Variants in OCIAD1 observed in about 807,000 individuals in gnomAD.
OCIAD1 encodes OCIA domain-containing protein 1.
In OCIAD1, 29 loss-of-function variants were observed where a neutral mutation model predicts 38.9. The ratio of observed to expected loss-of-function variants is 0.74; its 90% CI spans 0.55 to 1.02. The LOEUF is 1.02. Among genes scored for constraint, OCIAD1 ranks in the 50% least tolerant of loss-of-function variants. The pLI, the probability that OCIAD1 is intolerant of heterozygous loss-of-function variation, is 0.00. For synonymous variants in OCIAD1, 110 were observed against 92.0 expected (o/e 1.20, Z -1.12); for missense variants, 288 against 289.6 (o/e 0.99, Z 0.04).
chr4:48,848,962 G>C (rs897777517), intron 5 of OCIAD1, among the ~76,000 whole-genome samples: 3 of 152,090 alleles, frequency 2.0e-5, no homozygotes, highest in Non-Finnish European at 4.4e-5. Flanking sequence ...ATACTATGCA[G>C]CCATAAAAAA....
intron 3 of OCIAD1, among the ~76,000 whole-genome samples, chr4:48,838,211 G>T (rs1410922163): frequency 6.6e-6 from 1 of 151,800 alleles, no homozygotes; most frequent in Non-Finnish European, 1.5e-5. Context: ...CCAGCTACTC[G>T]AGAGGCTGAG....
intron 6 of OCIAD1, among the ~76,000 whole-genome samples, chr4:48,850,916 A>G (rs1303098032): frequency 1.3e-5 from 2 of 152,174 alleles, no homozygotes; most frequent in African/African-American, 4.8e-5. Flanking sequence ...TTGGGAGTAC[A>G]TGTTCTAGAA....
In OCIAD1 at chr4:48,860,964, G is replaced by A; in HGVS notation, c.*202G>A. 2 of 550,990 alleles carry A rather than the reference G, an allele frequency of 3.6e-6. No homozygotes were observed. Among genetic ancestry groups the A allele is most frequent in the Non-Finnish European group, 6.5e-6 (2 of 308,878 alleles). 34.1% of individuals were successfully genotyped at this position (550,990 alleles called of 1,614,324 possible). A position where few individuals can be genotyped will look rare whatever the true frequency, so the allele number is the denominator to read the frequency against. On this transcript the variant is annotated 3_prime_UTR_variant, in exon 9 of 9. Coordinates refer to ENST00000264312, the MANE Select transcript of OCIAD1 (RefSeq NM_017830.4). The stretch of plus-strand genomic sequence containing the variant: ...ATATTGTGTAAATGTACTCACCTTA[G>A]GGATTCATTTGAATGATGGTATTAT...
chr4:48,813,877 A>G (rs1777115700), intron 1 of OCIAD1, among the ~76,000 whole-genome samples: 1 of 152,228 alleles, frequency 6.6e-6, no homozygotes, highest in Admixed American at 6.5e-5. Context: ...TGAATTTTAA[A>G]CATTTGGTGA....
At chr4:48,829,201 A>G (rs1275111590), upstream of OCIAD1, among the ~76,000 whole-genome samples, 3 of 152,052 alleles carry the variant, frequency 2.0e-5, no homozygotes, top group African/African-American at 7.2e-5. Context: ...CGAAGGTTGC[A>G]GTGAGCCGAG....
intron 8 of OCIAD1, among the ~76,000 whole-genome samples, chr4:48,857,871 A>G (rs1256258730): frequency 6.6e-6 from 1 of 152,166 alleles, no homozygotes; most frequent in Non-Finnish European, 1.5e-5. Flanking sequence ...AATGAAGTCA[A>G]GGCCAGGTGT....
At chr4:48,812,554 T>C (rs562579568) in intron 1 of OCIAD1, among the ~76,000 whole-genome samples, 1 of 152,046 alleles carries the variant, frequency 6.6e-6, no homozygotes, top group South Asian at 2.1e-4. Context: ...GAGAAGAGAA[T>C]AAAGGAGTGA....
At chr4:48,857,679 A>G (rs1780186181) in intron 8 of OCIAD1, among the ~76,000 whole-genome samples, 1 of 151,840 alleles carries the variant, frequency 6.6e-6, no homozygotes, top group African/African-American at 2.4e-5. Context: ...ACGCCCAGCT[A>G]ATTTTTTGTA....
At chr4:48,857,916 G>T (rs1378614864) in intron 8 of OCIAD1, among the ~76,000 whole-genome samples, 1 of 152,296 alleles carries the variant, frequency 6.6e-6, no homozygotes, top group East Asian at 1.9e-4. Context: ...CACTTTGGGA[G>T]ACCAAGCTGG....
In OCIAD1 at chr4:48,849,965, A is replaced by G. The variant is rs771562108; in HGVS notation, c.260A>G (p.Tyr87Cys). 2.5e-6 allele frequency: 4 copies of G among 1,610,458 alleles called. No individual in the cohort carries two copies. Among genetic ancestry groups the G allele is most frequent in the Non-Finnish European group, 3.4e-6 (4 of 1,178,890 alleles). Residue 87 changes from tyrosine (Y) to cysteine (C), a missense_variant, in exon 6 of 9, where the codon TAC becomes TGC. Transcript: ENST00000264312. Reference protein sequence around the residue: ...PKLILACIMGYFAGKLSYVKT... With the variant: ...PKLILACIMGCFAGKLSYVKT... ...AAATAAGTTGCTTGTATCATGGGAT[A>G]CTTTGCTGGAAAACTTTCTTATGTG...
chr4:48,829,122 T>C (rs1579038822), upstream of OCIAD1, among the ~76,000 whole-genome samples: 2 of 152,206 alleles, frequency 1.3e-5, no homozygotes, highest in East Asian at 3.9e-4. Context: ...TAGCTGGGCG[T>C]GGTGGTGCAC....
At chr4:48,854,540 G>A (rs902469857) in intron 7 of OCIAD1, among the ~76,000 whole-genome samples, 4 of 152,152 alleles carry the variant, frequency 2.6e-5, no homozygotes, top group African/African-American at 7.2e-5. Flanking sequence ...CCCACCATTT[G>A]CATTAGGAAA....
chr4:48,828,744 CTCCGAGCATG>C (rs1777278156), upstream of OCIAD1, among the ~76,000 whole-genome samples: 1 of 152,206 alleles, frequency 6.6e-6, no homozygotes, highest in Non-Finnish European at 1.5e-5. Flanking sequence ...AAGGAATAAA[CTCCGAGCATG>C]TCCGAACATC....
At chr4:48,850,975 A>G (rs1185668800) in intron 6 of OCIAD1, among the ~76,000 whole-genome samples, 12 of 152,242 alleles carry the variant, frequency 7.9e-5, no homozygotes, top group Admixed American at 6.5e-4. Context: ...TGGTTACTAT[A>G]GTTTGGACTT....
chr4:48,850,166 T>C, intron 6 of OCIAD1, 84 bp downstream of exon 6: 4 of 1,428,462 alleles, frequency 2.8e-6, no homozygotes, highest in Middle Eastern at 1.8e-4. Context: ...CTCAAAAACA[T>C]TGCCTGAAGG....
chr4:48,833,607 G>T (rs1449345391), intron 3 of OCIAD1, 126 bp downstream of exon 3: 2 of 605,228 alleles, frequency 3.3e-6, no homozygotes, highest in Non-Finnish European at 5.9e-6. Context: ...TGCATAGTGT[G>T]GTTGTTGTTA....
intron 3 of OCIAD1, among the ~76,000 whole-genome samples, chr4:48,840,585 T>C (rs756483229): frequency 1.6e-4 from 24 of 152,156 alleles, no homozygotes; most frequent in Non-Finnish European, 3.5e-4. Flanking sequence ...AATTCAAATG[T>C]CTTAATTACT....
chr4:48,825,821 TTTTTCTTTCTTTC>T lies in OCIAD1; in HGVS notation c.-102-4739_-102-4727del, dbSNP rs1043702921. Among the ~76,000 whole-genome samples the T allele has an allele frequency of 2.5e-4, 38 of 150,458 alleles. No homozygotes were observed. The East Asian group carries it at 5.8e-3, about 23-fold the overall frequency. ...TCTCTCTTCTTTCTTTCTTACTTTC[TTTTTCTTTCTTTC>T]TTTTCTTTCTTTCTTTCCATCTTAC... On this transcript the variant is annotated intron_variant, in intron 1 of 6. Coordinates refer to the OCIAD1 transcript ENST00000504654.
rs576844407 is a variant in OCIAD1, at chr4:48,846,806, A to G, written c.194-1593A>G. Among the ~76,000 whole-genome samples the G allele has an allele frequency of 9.0e-4, 137 of 152,086 alleles. 2 individuals are homozygous for G. Among genetic ancestry groups the G allele is most frequent in the Non-Finnish European group, 1.3e-3 (88 of 67,994 alleles). On this transcript the variant is annotated intron_variant, in intron 4 of 8. Coordinates refer to ENST00000264312, the MANE Select transcript of OCIAD1 (RefSeq NM_017830.4). Reference sequence around the variant, plus strand: ...ATGGAAACTGACAAACATTAAAATTAGAGCTTTTTATAGGGAGTGCTGGTT... The same window carrying G: ...ATGGAAACTGACAAACATTAAAATTGGAGCTTTTTATAGGGAGTGCTGGTT...
Sources: allele counts gnomAD v4.1 joint callset (sites outside exome capture counted in the v4.1 genomes callset), GRCh38; gene constraint gnomAD v4.1.1; transcripts MANE v1.5; gene names NCBI Gene and HGNC (gene_info 2026-07-23, HGNC 2026-07-21).